The following PCSK2 variants were observed in gnomAD, a reference collection of about 807,000 sequenced individuals.
The protein encoded by PCSK2 is neuroendocrine convertase 2.
PCSK2 carries 14 observed loss-of-function variants against 69.7 expected under a neutral mutation model. The observed-to-expected ratio is 0.20, with a 90% CI of 0.13 to 0.31. The LOEUF (loss-of-function observed/expected upper bound fraction) is 0.31, where lower values mean the gene tolerates loss of function less well. Ranked by LOEUF, PCSK2 falls within the 10% of genes least tolerant of loss-of-function variation. PCSK2 has a pLI of 1.00. For missense variants in PCSK2, 544 were observed against 842.5 expected (o/e 0.65, Z 4.39); for synonymous variants, 307 against 320.7 (o/e 0.96, Z 0.46).
Position 17,336,340 on chromosome 20 carries a change from T to C in PCSK2, c.283-21987T>C, listed in dbSNP as rs1990349564. Among the ~76,000 whole-genome samples, 3 of 152,194 alleles carry C rather than the reference T, an allele frequency of 2.0e-5. No homozygotes were observed. The South Asian group carries it at 6.2e-4, about 32-fold the overall frequency. ...AAAACCTAGTCACTCAAACCCAGGC[T>C]AGCAACTAGTTGAATGCCATTGATT... On this transcript the variant is annotated intron_variant, in intron 2 of 11. Transcript: ENST00000262545.
chr20:17,456,742 T>A (rs79926641), intron 10 of PCSK2, among the ~76,000 whole-genome samples: 2,773 of 152,330 alleles, frequency 0.018, 85 homozygotes, highest in African/African-American at 0.063. Context: ...CAGAGATATT[T>A]CTTTCTTCAT....
intron 8 of PCSK2, among the ~76,000 whole-genome samples, chr20:17,443,350 A>G (rs1396623424): frequency 6.6e-6 from 1 of 152,192 alleles, no homozygotes; most frequent in East Asian, 1.9e-4. Context: ...GTGGCAGGAA[A>G]GTGACGTCCC....
intron 4 of PCSK2, among the ~76,000 whole-genome samples, chr20:17,366,240 A>C (rs2030587935): frequency 6.6e-6 from 1 of 152,240 alleles, no homozygotes; most frequent in South Asian, 2.1e-4. Flanking sequence ...GGTCTCCAGG[A>C]CTGTCACCGC....
intron 8 of PCSK2, among the ~76,000 whole-genome samples, chr20:17,443,167 T>C (rs1311352663): frequency 6.6e-6 from 1 of 152,172 alleles, no homozygotes; most frequent in African/African-American, 2.4e-5. Flanking sequence ...GTGAACATCA[T>C]GGTGACAGCA....
At chr20:17,457,419 C>T (rs2032942024) in intron 10 of PCSK2, among the ~76,000 whole-genome samples, 1 of 152,178 alleles carries the variant, frequency 6.6e-6, no homozygotes, top group African/African-American at 2.4e-5. Context: ...AAAGGGGCTT[C>T]AACAGATTAC....
chr20:17,303,590 T>G (rs1320085766), intron 2 of PCSK2, among the ~76,000 whole-genome samples: 5 of 125,368 alleles, frequency 4.0e-5, no homozygotes, highest in Non-Finnish European at 4.9e-5. Context: ...ATATACTTTT[T>G]TTTTGAGATG....
intron 6 of PCSK2, among the ~76,000 whole-genome samples, chr20:17,424,425 A>C (rs998099190): frequency 6.6e-6 from 1 of 152,216 alleles, no homozygotes; most frequent in African/African-American, 2.4e-5. Flanking sequence ...AAAGAGGGGA[A>C]GGAATGGCAT....
chr20:17,422,097 A>G (rs1245239639), intron 6 of PCSK2, among the ~76,000 whole-genome samples: 1 of 152,222 alleles, frequency 6.6e-6, no homozygotes, highest in Non-Finnish European at 1.5e-5. Flanking sequence ...ATGGACATGA[A>G]AAGAACCAAT....
At chr20:17,258,473 T>G (rs1042668482) in intron 1 of PCSK2, among the ~76,000 whole-genome samples, 1 of 152,024 alleles carries the variant, frequency 6.6e-6, no homozygotes, top group Non-Finnish European at 1.5e-5. Flanking sequence ...GCATTATCTT[T>G]GAATGTAAAA....
At chr20:17,237,546 A>G (rs1986389995) in intron 1 of PCSK2, among the ~76,000 whole-genome samples, 1 of 152,022 alleles carries the variant, frequency 6.6e-6, no homozygotes, top group Non-Finnish European at 1.5e-5. Flanking sequence ...AAAGGAGGAG[A>G]GAGTTAAGAA....
chr20:17,473,951 C>T (rs1224430873), intron 11 of PCSK2, among the ~76,000 whole-genome samples: 1 of 152,166 alleles, frequency 6.6e-6, no homozygotes, highest in Non-Finnish European at 1.5e-5. Flanking sequence ...AGCTGGCAGT[C>T]TCTCCGTGGT....
Position 17,440,862 on chromosome 20 carries a change from C to A in PCSK2, c.885+3979C>A, listed in dbSNP as rs1331293901. Among the ~76,000 whole-genome samples, 154 of 122,858 alleles carry A rather than the reference C, an allele frequency of 1.3e-3. 1 individual carries two copies. Among genetic ancestry groups the A allele is most frequent in the Middle Eastern group, 4.7e-3 (1 of 212 alleles). 80.6% of individuals were successfully genotyped at this position (122,858 alleles called of 152,430 possible). A position where few individuals can be genotyped will look rare whatever the true frequency, so the allele number is the denominator to read the frequency against. On this transcript the variant is annotated intron_variant, in intron 8 of 11. Transcript: ENST00000262545. ...GGGCATCAGGAGTGAAACTCTATCT[C>A]AAAAAAAAAAAAAAAAATGCACCAA...
chr20:17,379,765 T>C (rs2031036561), intron 5 of PCSK2, among the ~76,000 whole-genome samples: 1 of 152,226 alleles, frequency 6.6e-6, no homozygotes, highest in African/African-American at 2.4e-5. Flanking sequence ...GAGATTTTTT[T>C]CAGATGTCAT....
intron 2 of PCSK2, among the ~76,000 whole-genome samples, chr20:17,261,932 T>G (rs917510748): frequency 4.6e-5 from 7 of 152,204 alleles, no homozygotes; most frequent in Non-Finnish European, 1.0e-4. Flanking sequence ...ACATATAAAC[T>G]GGGGGCAGAA....
At chr20:17,358,136 C>A (rs924144530) in intron 2 of PCSK2, among the ~76,000 whole-genome samples, 191 bp from the exon 3 acceptor site, 9 of 151,222 alleles carry the variant, frequency 6.0e-5, no homozygotes, top group South Asian at 4.2e-4. Flanking sequence ...CGAGACCCCC[C>A]CTAATCTCTA....
At chr20:17,355,648 C>CAA (rs2030169449) in intron 2 of PCSK2, among the ~76,000 whole-genome samples, 1 of 74,708 alleles carries the variant, frequency 1.3e-5, no homozygotes. Context: ...TGTGTGCACG[C>CAA]AAACACACAC....
At chr20:17,252,861 T>G (rs2122980284) in intron 1 of PCSK2, among the ~76,000 whole-genome samples, 1 of 152,306 alleles carries the variant, frequency 6.6e-6, no homozygotes, top group South Asian at 2.1e-4. Flanking sequence ...AATAAACATA[T>G]GAAAAGATGC....
intron 2 of PCSK2, among the ~76,000 whole-genome samples, chr20:17,296,025 T>C (rs1301017203): frequency 6.6e-6 from 1 of 152,204 alleles, no homozygotes; most frequent in Non-Finnish European, 1.5e-5. Flanking sequence ...CACAAAGTTA[T>C]AGTTCCATAA....
At chr20:17,467,890 G>C (rs1467777621) in intron 11 of PCSK2, among the ~76,000 whole-genome samples, 1 of 152,208 alleles carries the variant, frequency 6.6e-6, no homozygotes, top group East Asian at 1.9e-4. Flanking sequence ...AGAATCAAAA[G>C]ACAGTAATCT....
Sources: allele counts gnomAD v4.1 joint callset (sites outside exome capture counted in the v4.1 genomes callset), GRCh38; gene constraint gnomAD v4.1.1; transcripts MANE v1.5; gene names NCBI Gene and HGNC (gene_info 2026-07-23, HGNC 2026-07-21).